HYDIN: variants seen among roughly 807,000 people sequenced by gnomAD.
HYDIN encodes the protein axonemal central pair apparatus protein HYDIN.
Under a neutral mutation model 403.9 loss-of-function variants are expected in HYDIN, and 132 were observed. The observed-to-expected ratio is 0.33, with a 90% confidence interval of 0.28 to 0.38. HYDIN has a LOEUF of 0.38. Ranked by LOEUF, HYDIN falls within the 10% of genes least tolerant of loss-of-function variation. The pLI, the probability that HYDIN is intolerant of heterozygous loss-of-function variation, is 1.00. For missense variants in HYDIN, 2,827 were observed against 5,009.5 expected (o/e 0.56, Z 13.15); for synonymous variants, 1,202 against 1,891.7 (o/e 0.64, Z 9.46).
rs2143579047 is a variant in HYDIN at position 70,850,618 on chromosome 16, C to T, written c.12481G>A (p.Gly4161Arg). 3 of 1,614,014 alleles carry T rather than the reference C, an allele frequency of 1.9e-6. No homozygotes were observed. The highest frequency in any genetic ancestry group is 2.5e-6 in the Non-Finnish European group (3 of 1,179,950). Residue 4161 changes from glycine (G) to arginine (R), a missense_variant, in exon 74 of 86, where the codon GGA becomes AGA. Physicochemically the swap from Gly to Arg is moderately radical, Grantham distance 125 (BLOSUM62 -2). Transcript: ENST00000393567. ...IDIFFTPKQE[G>R]DVNFNLICNV... ...CAGATCAAATTAAAGTTCACATCTC[C>T]TTCCTGCTTTGGTGTGAAGAAAATA...
intron 1 of HYDIN, among the ~76,000 whole-genome samples, chr16:71,206,398 A>G (rs1276983562): frequency 6.6e-6 from 1 of 152,222 alleles, no homozygotes; most frequent in Non-Finnish European, 1.5e-5. Context: ...AAACATTCAA[A>G]GGCATCAAAG....
intron 1 of HYDIN, among the ~76,000 whole-genome samples, chr16:71,220,905 A>AT (rs2089167905): frequency 1.3e-5 from 2 of 152,290 alleles, no homozygotes; most frequent in African/African-American, 4.8e-5. Context: ...TGGCTAAAAT[A>AT]TTTTTTCAGC....
chr16:71,073,106 C>A (rs1170950028), intron 13 of HYDIN, among the ~76,000 whole-genome samples: 2 of 152,258 alleles, frequency 1.3e-5, no homozygotes, highest in Non-Finnish European at 2.9e-5. Flanking sequence ...AAATAGACTG[C>A]TATTTCAAGT....
intron 8 of HYDIN, among the ~76,000 whole-genome samples, chr16:71,136,404 T>C (rs939435609): frequency 6.6e-6 from 1 of 150,632 alleles, no homozygotes; most frequent in Non-Finnish European, 1.5e-5. Context: ...CAAGTATCTT[T>C]TCACTGAAAA....
intron 25 of HYDIN, among the ~76,000 whole-genome samples, chr16:70,989,100 G>A: frequency 6.6e-6 from 1 of 151,876 alleles, no homozygotes; most frequent in African/African-American, 2.4e-5. Flanking sequence ...GTCTGTCTCT[G>A]TCACCCAGGC....
At chr16:70,930,929 G>A (rs1425911897) in intron 45 of HYDIN, among the ~76,000 whole-genome samples, 1 of 152,072 alleles carries the variant, frequency 6.6e-6, no homozygotes, top group Non-Finnish European at 1.5e-5. Flanking sequence ...AATTCTCAAA[G>A]GAAAAGACAG....
At chr16:71,029,622 C>T (rs1297360381) in intron 19 of HYDIN, among the ~76,000 whole-genome samples, 5 of 125,542 alleles carry the variant, frequency 4.0e-5, no homozygotes, top group East Asian at 2.2e-4. Flanking sequence ...CCCTCGCTTA[C>T]GGCCAATAGA....
Position 70,992,099 on chromosome 16 carries a change from G to A in HYDIN, c.3756C>T (p.Ser1252=). 6.2e-7 allele frequency: 1 copy of A among 1,613,600 alleles called. No individual in the cohort carries two copies. The highest frequency in any genetic ancestry group is 8.5e-7 in the Non-Finnish European group (1 of 1,179,818). The change falls in exon 24 of 86, where the codon TCC becomes TCT. Residue 1252 remains serine (S), a synonymous_variant. Transcript: ENST00000393567. ...CAAAATCATTTAAATCCATCTCGGG[G>A]GACTCTACTGTAACTAGGATTGCTG... The part of the protein sequence containing the change: ...SPPAILVTVE[S]PEMDLNDFVK...
At chr16:71,204,684 C>G (rs1327751224) in intron 1 of HYDIN, among the ~76,000 whole-genome samples, 1 of 147,998 alleles carries the variant, frequency 6.8e-6, no homozygotes, top group Non-Finnish European at 1.5e-5. Context: ...TGGCATATAA[C>G]AGGGCCATTT....
intron 79 of HYDIN, 73 bp downstream of exon 79, chr16:70,833,814 G>A (rs1004368257): frequency 1.9e-6 from 2 of 1,034,752 alleles, no homozygotes; most frequent in Admixed American, 4.2e-5. Context: ...TGCACTTGCA[G>A]AACAAGTCCA....
At chr16:71,004,877 A>G (rs1185815852) in intron 23 of HYDIN, among the ~76,000 whole-genome samples, 2 of 152,004 alleles carry the variant, frequency 1.3e-5, no homozygotes, top group Non-Finnish European at 2.9e-5. Context: ...GGGATATTTG[A>G]AACTATTTCT....
intron 73 of HYDIN, among the ~76,000 whole-genome samples, chr16:70,853,860 G>C (rs2038831724): frequency 6.8e-6 from 1 of 146,844 alleles, no homozygotes; most frequent in Non-Finnish European, 1.5e-5. Context: ...ACAGTACAGA[G>C]TTATCTTTGT....
intron 83 of HYDIN, among the ~76,000 whole-genome samples, chr16:70,822,808 A>G (rs2036352283): frequency 6.6e-6 from 1 of 151,972 alleles, no homozygotes; most frequent in South Asian, 2.1e-4. Flanking sequence ...TTTTAAGCAA[A>G]TAAGTAATTT....
At chr16:71,198,677 T>C (rs1448578389) in intron 1 of HYDIN, among the ~76,000 whole-genome samples, 1 of 152,134 alleles carries the variant, frequency 6.6e-6, no homozygotes, top group East Asian at 1.9e-4. Context: ...AAAGTGAGAC[T>C]CCATCTGCCT....
intron 13 of HYDIN, among the ~76,000 whole-genome samples, chr16:71,073,480 T>C (rs1233125877): frequency 1.3e-5 from 2 of 152,232 alleles, no homozygotes; most frequent in African/African-American, 4.8e-5. Flanking sequence ...TTCAGCTACA[T>C]ACTGCCAATT....
chr16:70,818,142 C>T (rs1052156129), intron 84 of HYDIN, among the ~76,000 whole-genome samples, 200 bp downstream of exon 84: 1 of 152,070 alleles, frequency 6.6e-6, no homozygotes, highest in Non-Finnish European at 1.5e-5. Context: ...AGAGAGAATT[C>T]CAAACGATGT....
chr16:71,177,594 G>A (rs2144645375), intron 4 of HYDIN, among the ~76,000 whole-genome samples: 1 of 152,288 alleles, frequency 6.6e-6, no homozygotes, highest in East Asian at 1.9e-4. Flanking sequence ...ATGAGCTGCT[G>A]TACCAAATAT....
chr16:71,114,430 A>AC (rs1250239299), intron 10 of HYDIN, among the ~76,000 whole-genome samples: 6 of 151,344 alleles, frequency 4.0e-5, no homozygotes, highest in Non-Finnish European at 7.4e-5. Flanking sequence ...GCATTTCCTT[A>AC]CCGTCTAGCA....
intron 29 of HYDIN, among the ~76,000 whole-genome samples, chr16:70,979,717 A>G (rs1482813886): frequency 5.3e-5 from 8 of 152,142 alleles, no homozygotes; most frequent in Admixed American, 2.6e-4. Context: ...AGATTGCCTG[A>G]GCTCAGGAGT....
Sources: gnomAD v4.1 joint callset for allele counts (sites outside exome capture counted in the v4.1 genomes callset) on GRCh38, gnomAD v4.1.1 for gene constraint, MANE v1.5 for transcripts, NCBI Gene and HGNC (gene_info 2026-07-23, HGNC 2026-07-21) for gene names.